CTNNA2: variants seen among roughly 807,000 people sequenced by gnomAD.
CTNNA2 encodes the protein catenin alpha 2.
CTNNA2 carries 42 observed loss-of-function variants against 101.0 expected under a neutral mutation model. The ratio of observed to expected loss-of-function variants is 0.42; its 90% CI spans 0.32 to 0.54. CTNNA2 has a LOEUF of 0.54. Ranked by LOEUF, CTNNA2 falls within the 20% of genes least tolerant of loss-of-function variation. The probability of loss-of-function intolerance (pLI) is 0.14; values close to 1 mark genes in which losing one functional copy is unlikely to be tolerated. For synonymous variants in CTNNA2, 450 were observed against 456.4 expected, an observed-to-expected ratio of 0.99 and a Z score of 0.18; for missense variants, 871 against 1,223.1, an observed-to-expected ratio of 0.71 and a Z score of 4.29.
intron 2 of CTNNA2, among the ~76,000 whole-genome samples, chr2:79,219,435 C>A (rs1215606278): frequency 2.0e-5 from 3 of 152,116 alleles, no homozygotes; most frequent in Admixed American, 2.0e-4. Context: ...GCTGGTGCAA[C>A]TGAGGAATTA....
intron 6 of CTNNA2, among the ~76,000 whole-genome samples, chr2:79,905,794 T>C (rs1046824731): frequency 6.6e-6 from 1 of 152,192 alleles, no homozygotes; most frequent in Non-Finnish European, 1.5e-5. Context: ...TTAGGATAGA[T>C]GGCTTACCTG....
intron 12 of CTNNA2, among the ~76,000 whole-genome samples, chr2:80,556,390 T>C (rs927019392): frequency 2.0e-5 from 3 of 152,184 alleles, no homozygotes; most frequent in African/African-American, 4.8e-5. Flanking sequence ...AGGTTTTAGA[T>C]AGTGAGTGGA....
At chr2:79,630,822 A>G (rs770052108) in intron 1 of CTNNA2, among the ~76,000 whole-genome samples, 46 of 150,856 alleles carry the variant, frequency 3.0e-4, no homozygotes, top group Non-Finnish European at 6.3e-4. Context: ...TGGGCCTACA[A>G]ATTATTTCTA....
chr2:80,321,963 G>T (rs934426853), intron 7 of CTNNA2, among the ~76,000 whole-genome samples: 2 of 151,368 alleles, frequency 1.3e-5, no homozygotes, highest in Non-Finnish European at 2.9e-5. Context: ...TTTTAAAAAG[G>T]TGTATTAGGT....
At chr2:79,826,077 A>G (rs563641955) in intron 3 of CTNNA2, among the ~76,000 whole-genome samples, 1 of 152,236 alleles carries the variant, frequency 6.6e-6, no homozygotes, top group East Asian at 1.9e-4. Context: ...TATCCTACAC[A>G]AAAAGTGGCG....
chr2:79,925,642 G>A (rs1686971384), intron 7 of CTNNA2, among the ~76,000 whole-genome samples: 1 of 152,050 alleles, frequency 6.6e-6, no homozygotes, highest in African/African-American at 2.4e-5. Context: ...TTTTGATGCT[G>A]CATTTCATGG....
At position 80,647,585 on chromosome 2, in the gene CTNNA2, C is replaced by T; in HGVS notation, c.2575C>T (p.Leu859=). 1.9e-6 allele frequency: 3 copies of T among 1,605,416 alleles called. No homozygotes were observed. Among genetic ancestry groups the T allele is most frequent in the Non-Finnish European group, 2.6e-6 (3 of 1,174,752 alleles). ...IGSGSSDSSM[L]DSATSLIQAA... Reference sequence around the variant, plus strand: ...GTATCTCATTCTTTTCCTACTCTAGCTGGACAGTGCCACATCGCTTATCCA... The same window carrying T: ...GTATCTCATTCTTTTCCTACTCTAGTTGGACAGTGCCACATCGCTTATCCA... Residue 859 remains leucine (L), a splice_region_variant and synonymous_variant, in exon 19 of 19, where the codon CTG becomes TTG. Coordinates refer to ENST00000402739, the MANE Select transcript of CTNNA2 (RefSeq NM_001282597.3).
At chr2:80,073,960 A>G (rs1698521137) in intron 7 of CTNNA2, among the ~76,000 whole-genome samples, 1 of 152,104 alleles carries the variant, frequency 6.6e-6, no homozygotes, top group Non-Finnish European at 1.5e-5. Context: ...ATAGTCCAGT[A>G]TTTCTAATAT....
At chr2:80,242,169 A>C (rs1007468090) in intron 7 of CTNNA2, among the ~76,000 whole-genome samples, 3 of 152,202 alleles carry the variant, frequency 2.0e-5, no homozygotes, top group Non-Finnish European at 4.4e-5. Flanking sequence ...TTATGGTGGA[A>C]ATCTCTCAGA....
chr2:79,455,734 C>G (rs1250884089), intron 4 of CTNNA2, among the ~76,000 whole-genome samples: 1 of 152,198 alleles, frequency 6.6e-6, no homozygotes, highest in East Asian at 1.9e-4. Context: ...CATTACAACT[C>G]TGTCCATTTC....
intron 4 of CTNNA2, among the ~76,000 whole-genome samples, chr2:79,379,740 C>G (rs1678018650): frequency 6.6e-6 from 1 of 151,990 alleles, no homozygotes; most frequent in African/African-American, 2.4e-5. Flanking sequence ...GGTAGAGAGA[C>G]AGTGATTATG....
chr2:79,974,029 C>A lies in CTNNA2; in HGVS notation c.1056+64232C>A, dbSNP rs77397924. ...GGGGTTTTCAGAGACTTTTGTGATA[C>A]TTTTTGTTATCAGGCATTCATGTAT... On this transcript the variant is annotated intron_variant, in intron 7 of 18. Transcript: ENST00000402739. 5.2e-3 allele frequency among the ~76,000 whole-genome samples: 793 copies of A among 152,112 alleles called. 19 individuals are homozygous for A. In the East Asian group the frequency reaches 0.068, roughly 13 times the overall value.
chr2:80,294,662 T>G (rs1228956625), intron 7 of CTNNA2, among the ~76,000 whole-genome samples: 1 of 151,932 alleles, frequency 6.6e-6, no homozygotes, highest in Non-Finnish European at 1.5e-5. Flanking sequence ...ATAATAAAAA[T>G]AATTCTCCTC....
At chr2:79,477,168 C>CTTTTTTTTTTTTTTTTTTTT (rs5832392) in intron 4 of CTNNA2, among the ~76,000 whole-genome samples, 5 of 123,148 alleles carry the variant, frequency 4.1e-5, no homozygotes, top group Non-Finnish European at 6.6e-5. Flanking sequence ...TCTTTTTTTT[C>CTTTTTTTTTTTTTTTTTTTT]TTTTTTTTTT....
chr2:79,207,571 C>T (rs1265717193), intron 2 of CTNNA2, among the ~76,000 whole-genome samples: 1 of 152,076 alleles, frequency 6.6e-6, no homozygotes, highest in African/African-American at 2.4e-5. Context: ...TTTCTAGAAT[C>T]GAATGACACA....
At chr2:79,599,462 AT>A (rs747192070) in intron 1 of CTNNA2, among the ~76,000 whole-genome samples, 16 of 152,170 alleles carry the variant, frequency 1.1e-4, no homozygotes, top group Non-Finnish European at 1.6e-4. Flanking sequence ...ACAGAACTAA[AT>A]TTATTTTATT....
At chr2:79,669,352 A>C (rs1174140105) in intron 2 of CTNNA2, among the ~76,000 whole-genome samples, 1 of 152,212 alleles carries the variant, frequency 6.6e-6, no homozygotes, top group African/African-American at 2.4e-5. Flanking sequence ...AAATTTGATC[A>C]TGCGGGCTAG....
intron 9 of CTNNA2, among the ~76,000 whole-genome samples, chr2:80,484,928 C>T (rs1057438963): frequency 5.3e-5 from 8 of 152,042 alleles, no homozygotes; most frequent in Non-Finnish European, 8.8e-5. Context: ...ATGGCGTGAA[C>T]CTGGGAGGTG....
intron 7 of CTNNA2, among the ~76,000 whole-genome samples, chr2:80,376,114 CT>C (rs1190632133): frequency 6.6e-6 from 1 of 151,910 alleles, no homozygotes; most frequent in Non-Finnish European, 1.5e-5. Flanking sequence ...TTTTTTGCCC[CT>C]CCCACATCTC....
Sources: allele counts gnomAD v4.1 joint callset (sites outside exome capture counted in the v4.1 genomes callset), GRCh38; gene constraint gnomAD v4.1.1; transcripts MANE v1.5; gene names NCBI Gene and HGNC (gene_info 2026-07-23, HGNC 2026-07-21).